SI: variants seen among roughly 807,000 people sequenced by gnomAD.
SI encodes the protein sucrase-isomaltase, intestinal.
SI carries 235 observed loss-of-function variants against 253.3 expected under a neutral mutation model. That is an observed-to-expected ratio of 0.93 (90% CI 0.83 to 1.03). The LOEUF (loss-of-function observed/expected upper bound fraction) is 1.03. Among genes scored for constraint, SI ranks in the 50% least tolerant of loss-of-function variants. The probability of loss-of-function intolerance (pLI) is 0.00; values close to 1 mark genes in which losing one functional copy is unlikely to be tolerated. For missense variants in SI, 2,442 were observed against 2,211.1 expected (o/e 1.10, Z -2.09); for synonymous variants, 819 against 712.0 (o/e 1.15, Z -2.39).
intron 15 of SI, among the ~76,000 whole-genome samples, chr3:165,047,391 G>T (rs2108229204): frequency 6.6e-6 from 1 of 152,160 alleles, no homozygotes; most frequent in Middle Eastern, 3.4e-3. Context: ...ATGTGGAACT[G>T]TAAATCCAAT....
intron 36 of SI, among the ~76,000 whole-genome samples, chr3:165,007,643 T>C (rs1247675627): frequency 6.6e-6 from 1 of 151,782 alleles, no homozygotes. Flanking sequence ...AGATAAAATA[T>C]ATTCCTTGAT....
intron 35 of SI, 68 bp downstream of exon 35, chr3:165,009,211 A>T: frequency 9.9e-7 from 1 of 1,009,480 alleles, no homozygotes; most frequent in Non-Finnish European, 1.6e-6. Flanking sequence ...ATTTGAGCCA[A>T]GTACTAATTT....
chr3:165,018,461 C>T (rs942204411), intron 28 of SI, among the ~76,000 whole-genome samples: 9 of 150,376 alleles, frequency 6.0e-5, no homozygotes, highest in Admixed American at 2.7e-4. Context: ...GTATTTTTTC[C>T]ATAGTAAAAT....
chr3:165,026,566 T>C (rs1332355146), intron 25 of SI, among the ~76,000 whole-genome samples: 6 of 151,322 alleles, frequency 4.0e-5, no homozygotes, highest in East Asian at 1.9e-4. Flanking sequence ...TTCTCCAAGA[T>C]AGACTGTATG....
At chr3:165,005,229 G>A (rs1020942301) in intron 37 of SI, among the ~76,000 whole-genome samples, 9 of 151,792 alleles carry the variant, frequency 5.9e-5, no homozygotes, top group Non-Finnish European at 1.3e-4. Flanking sequence ...AATACAGCAG[G>A]GATGGTTAAT....
intron 25 of SI, among the ~76,000 whole-genome samples, chr3:165,025,698 A>G (rs1354832696): frequency 2.0e-5 from 3 of 151,376 alleles, no homozygotes; most frequent in African/African-American, 7.3e-5. Flanking sequence ...CTCCTTAAAC[A>G]AAACAATTAT....
intron 3 of SI, among the ~76,000 whole-genome samples, chr3:165,071,732 C>A (rs1164525958): frequency 2.6e-5 from 4 of 151,998 alleles, no homozygotes; most frequent in African/African-American, 9.7e-5. Flanking sequence ...CAGCGAAGAT[C>A]TCTTTCTCTC....
intron 24 of SI, among the ~76,000 whole-genome samples, chr3:165,032,004 A>G (rs996547267): frequency 3.3e-5 from 5 of 151,246 alleles, no homozygotes; most frequent in African/African-American, 1.2e-4. Flanking sequence ...CAAAAATCAC[A>G]ATATAAGGAA....
At chr3:165,001,296 T>C (rs1407066208) in intron 37 of SI, among the ~76,000 whole-genome samples, 1 of 151,352 alleles carries the variant, frequency 6.6e-6, no homozygotes, top group Non-Finnish European at 1.5e-5. Context: ...AGAATTGTTA[T>C]CCTCATTTTC....
chr3:165,013,278 T>C (rs1181425084), intron 33 of SI, among the ~76,000 whole-genome samples: 1 of 152,188 alleles, frequency 6.6e-6, no homozygotes, highest in African/African-American at 2.4e-5. Context: ...CCAACCTTTA[T>C]GGTAGTTAGT....
In SI at chr3:165,006,689, G is replaced by A. The variant is rs73018898; in HGVS notation, c.4406+127C>T. 633 of 765,914 alleles carry A rather than the reference G, an allele frequency of 8.3e-4. 5 individuals are homozygous for A. The African/African-American group carries it at 0.01, about 12-fold the overall frequency. The allele number at this position is 765,914 out of a possible 1,614,324, so 47.4% of individuals were successfully genotyped here. A position where few individuals can be genotyped will look rare whatever the true frequency, so the allele number is the denominator to read the frequency against. Reference sequence around the variant, plus strand: ...TTTTCTAAATGCTATGAAGGAAGAAGTTACAGAGAACAATTGGGAAGTAAA... The same window carrying A: ...TTTTCTAAATGCTATGAAGGAAGAAATTACAGAGAACAATTGGGAAGTAAA... On this transcript the variant is annotated intron_variant, in intron 37 of 47. Coordinates refer to ENST00000264382, the MANE Select transcript of SI (RefSeq NM_001041.4).
chr3:165,056,703 G>A (rs1713709232), intron 12 of SI, among the ~76,000 whole-genome samples: 1 of 152,128 alleles, frequency 6.6e-6, no homozygotes, highest in African/African-American at 2.4e-5. Flanking sequence ...ACACCCATAG[G>A]TGGAGCATTT....
chr3:165,086,972 G>T, the SI span, among the ~76,000 whole-genome samples: 1 of 152,140 alleles, frequency 6.6e-6, no homozygotes, highest in South Asian at 2.1e-4. Context: ...GACAGTTTCA[G>T]TGGAAATATA....
chr3:165,028,662 A>G (rs190195829), intron 25 of SI, among the ~76,000 whole-genome samples: 4 of 151,508 alleles, frequency 2.6e-5, no homozygotes. Flanking sequence ...GATCTTCGAT[A>G]AAGCAGACAA....
chr3:165,059,182 A>C lies in SI; in HGVS notation c.1264T>G (p.Tyr422Asp), dbSNP rs148511215. The change falls in exon 11 of 48, where the codon TAT becomes GAT. Residue 422 changes from tyrosine (Y) to aspartate (D), a missense_variant. Coordinates refer to ENST00000264382, the MANE Select transcript of SI (RefSeq NM_001041.4). ...VQDLHDHGQKYVIILDPAISI... is the reference protein window; with the variant it reads ...VQDLHDHGQKDVIILDPAISI... ...TTGATTATTACCAAGATGATGACAT[A>C]TTTCTGTCCATGGTCATGCAAATCT... is the stretch of plus-strand genomic sequence containing the variant. 11 of 1,612,708 alleles carry C rather than the reference A, an allele frequency of 6.8e-6. No homozygotes were observed. Among genetic ancestry groups the C allele is most frequent in the Non-Finnish European group, 1.7e-6 (2 of 1,179,232 alleles).
intron 47 of SI, among the ~76,000 whole-genome samples, chr3:164,981,310 G>A (rs1452262327): frequency 3.9e-5 from 6 of 152,004 alleles, no homozygotes; most frequent in African/African-American, 1.4e-4. Flanking sequence ...AGTAGCAGTA[G>A]GATGGGTGTT....
chr3:165,017,358 G>A (rs962370820), intron 31 of SI, among the ~76,000 whole-genome samples, 190 bp downstream of exon 31: 1 of 151,824 alleles, frequency 6.6e-6, no homozygotes, highest in South Asian at 2.1e-4. Context: ...AAAAGGAATG[G>A]TATTTCTTCC....
At position 165,030,825 on chromosome 3, in the gene SI, AG is replaced by A. The variant is rs755619185; in HGVS notation, c.2778del (p.Phe927LeufsTer69). On this transcript the variant is annotated frameshift_variant, in exon 25 of 48. Coordinates refer to ENST00000264382, the MANE Select transcript of SI (RefSeq NM_001041.4). LOFTEE classifies it high-confidence loss of function. ...IADLKLNLGRNFSVQWNQIFS... is the reference protein window; with the variant it reads ...IADLKLNLGRXFSVQWNQIFS... ...AAAATTTGATTCCATTGAACACTAA[AG>A]TTTCTTCCAAGATTAAGTTTGAGAT... 6.3e-7 allele frequency: 1 copy of A among 1,590,758 alleles called. No homozygotes were observed. The highest frequency in any genetic ancestry group is 8.6e-7 in the Non-Finnish European group (1 of 1,168,034).
chr3:164,983,553 G>T (rs754040661), intron 45 of SI, among the ~76,000 whole-genome samples: 3 of 151,938 alleles, frequency 2.0e-5, no homozygotes, highest in Non-Finnish European at 4.4e-5. Flanking sequence ...GCAAAATGTA[G>T]GTTTATAGCC....
Sources: gnomAD v4.1 joint callset for allele counts (sites outside exome capture counted in the v4.1 genomes callset) on GRCh38, gnomAD v4.1.1 for gene constraint, MANE v1.5 for transcripts, NCBI Gene and HGNC (gene_info 2026-07-23, HGNC 2026-07-21) for gene names.